Variants in MYOM2 observed in about 807,000 individuals in gnomAD.
The protein encoded by MYOM2 is myomesin 2.
In MYOM2, 254 loss-of-function variants were observed where a neutral mutation model predicts 187.6. The observed-to-expected ratio is 1.35, with a 90% CI of 1.22 to 1.50. The LOEUF (loss-of-function observed/expected upper bound fraction) is 1.50, where lower values mean the gene tolerates loss of function less well. Among genes scored for constraint, MYOM2 ranks in the 40% most tolerant of loss-of-function variants. MYOM2 has a pLI of 0.00. For missense variants in MYOM2, 2,796 were observed against 1,924.0 expected, an observed-to-expected ratio of 1.45 and a Z score of -8.48; for synonymous variants, 981 against 753.8, an observed-to-expected ratio of 1.30 and a Z score of -4.94.
Position 2,073,516 on chromosome 8 carries a change from T to C in MYOM2, c.1120+16T>C. 1 of 1,587,564 alleles carries C rather than the reference T, an allele frequency of 6.3e-7. No individual in the cohort carries two copies. Among genetic ancestry groups the C allele is most frequent in the East Asian group, 2.2e-5 (1 of 44,600 alleles). ...TTTGTCAGAGGTGCGGGCAGCAGGG[T>C]TCTCAGGGTGCAGACCTTGTGTGTG... is the stretch of plus-strand genomic sequence containing the variant. On this transcript the variant is annotated intron_variant, in intron 10 of 36. Coordinates refer to ENST00000262113, the MANE Select transcript of MYOM2 (RefSeq NM_003970.4).
chr8:2,093,472 A>G (rs1312739356), intron 16 of MYOM2, among the ~76,000 whole-genome samples: 1 of 152,172 alleles, frequency 6.6e-6, no homozygotes, highest in Non-Finnish European at 1.5e-5. Context: ...TGGGGTGGGA[A>G]TTATCATCCC....
intron 10 of MYOM2, among the ~76,000 whole-genome samples, chr8:2,073,713 C>A (rs890014727): frequency 6.6e-6 from 1 of 152,208 alleles, no homozygotes; most frequent in Non-Finnish European, 1.5e-5. Context: ...GGACACAATC[C>A]GGAATAGACC....
Position 2,059,302 on chromosome 8 carries a change from C to T in MYOM2, c.653+57C>T, listed in dbSNP as rs565274869. On this transcript the variant is annotated intron_variant, in intron 6 of 36. Transcript: ENST00000262113. The stretch of plus-strand genomic sequence containing the variant: ...CGTCCAGTAATCAGCATTGCAGACC[C>T]CAAAGAAGAAGTCAGATGGGTAACT... 129 of 1,518,372 alleles carry T rather than the reference C, an allele frequency of 8.5e-5. 1 individual carries two copies. The East Asian group carries it at 2.9e-3, about 34-fold the overall frequency. 94.1% of individuals were successfully genotyped at this position (1,518,372 alleles called of 1,614,324 possible).
In MYOM2 at chr8:2,129,135, G is replaced by A; in HGVS notation, c.3703G>A (p.Ala1235Thr). 1.2e-6 allele frequency: 2 copies of A among 1,602,256 alleles called. No individual in the cohort carries two copies. The highest frequency in any genetic ancestry group is 1.7e-6 in the Non-Finnish European group (2 of 1,170,188). ...TGTTTTATTTTCTGCAGGGAAATCT[G>A]CTTCGCCACTGAAGGTACTCTGCAC... is the stretch of plus-strand genomic sequence containing the variant. ...LAMSRVCGKS[A>T]SPLKVLCTPE... The change falls in exon 32 of 37, where the codon GCT becomes ACT. Residue 1235 changes from alanine (A) to threonine (T), a missense_variant. Transcript: ENST00000262113.
intron 1 of MYOM2, among the ~76,000 whole-genome samples, chr8:2,049,741 G>C (rs1008822499): frequency 1.3e-5 from 2 of 152,188 alleles, no homozygotes; most frequent in South Asian, 2.1e-4. Context: ...TTAGGAATAC[G>C]GTCCCTACGT....
chr8:2,106,863 A>T (rs192013367), intron 23 of MYOM2, among the ~76,000 whole-genome samples: 2 of 152,330 alleles, frequency 1.3e-5, no homozygotes, highest in Admixed American at 6.5e-5. Context: ...TCTTAGCCAC[A>T]TTTTAATAGT....
intron 6 of MYOM2, among the ~76,000 whole-genome samples, chr8:2,062,517 C>G (rs1818884371): frequency 6.6e-6 from 1 of 152,174 alleles, no homozygotes; most frequent in Non-Finnish European, 1.5e-5. Flanking sequence ...ATTCTCAGAG[C>G]TGTGGCCATC....
Position 2,079,607 on chromosome 8 carries a change from C to A in MYOM2, c.1510C>A (p.Leu504Ile). 6.2e-7 allele frequency: 1 copy of A among 1,614,090 alleles called. No homozygotes were observed. Among genetic ancestry groups the A allele is most frequent in the Non-Finnish European group, 8.5e-7 (1 of 1,179,990 alleles). The change falls in exon 13 of 37, where the codon CTT becomes ATT. Residue 504 changes from leucine to isoleucine, a missense_variant. Transcript: ENST00000262113. ...GGAGATTGCCATTTATCAGGATGAC[C>A]TTGAAGGTAAGTAGCACCTCATCAC... ...EKEIAIYQDD[L>I]EGDAQVPGPP...
intron 36 of MYOM2, 110 bp from the exon 37 acceptor site, chr8:2,144,554 G>A: frequency 1.8e-6 from 2 of 1,120,286 alleles, no homozygotes; most frequent in South Asian, 1.3e-5. Context: ...ACAAACGATT[G>A]AAGGACCAAT....
Position 2,064,461 on chromosome 8 carries a change from C to G in MYOM2, c.654-4817C>G, listed in dbSNP as rs371686979. 3.4e-4 allele frequency among the ~76,000 whole-genome samples: 52 copies of G among 152,282 alleles called. 1 individual carries two copies. In the East Asian group the frequency reaches 7.7e-3, roughly 23 times the overall value. ...GGGGCCACCGCCGTCGTCAGTGGGT[C>G]GGGATCTTTGCTCCGGTGACGGGTT... On this transcript the variant is annotated intron_variant, in intron 6 of 36. Coordinates refer to ENST00000262113, the MANE Select transcript of MYOM2 (RefSeq NM_003970.4).
chr8:2,093,965 C>A lies in MYOM2; in HGVS notation c.2004-5C>A, dbSNP rs373807415. 6.2e-7 allele frequency: 1 copy of A among 1,613,754 alleles called. No homozygotes were observed. The highest frequency in any genetic ancestry group is 1.1e-5 in the South Asian group (1 of 91,022). On this transcript the variant is annotated splice_region_variant and splice_polypyrimidine_tract_variant and intron_variant, in intron 16 of 36. Transcript: ENST00000262113. The stretch of plus-strand genomic sequence containing the variant: ...AGTTCTGACCCTGATCCCTGTGTTT[C>A]TCAGGTTCGTGGTGCACGGCTTAAC...
Position 2,102,663 on chromosome 8 carries a change from C to T in MYOM2, c.2620-4C>T. On this transcript the variant is annotated splice_region_variant and splice_polypyrimidine_tract_variant and intron_variant, in intron 20 of 36. Coordinates refer to ENST00000262113, the MANE Select transcript of MYOM2 (RefSeq NM_003970.4). ...ACATCTGGTGTTTCCTCTGTTGTTT[C>T]AAGGTCTCTGACCTGCAGCAAGGTA... The T allele has an allele frequency of 1.3e-6, 2 of 1,599,572 alleles. No homozygotes were observed. Among genetic ancestry groups the T allele is most frequent in the Non-Finnish European group, 8.6e-7 (1 of 1,168,086 alleles).
At chr8:2,125,292 C>T (rs1797597780) in intron 31 of MYOM2, among the ~76,000 whole-genome samples, 1 of 152,214 alleles carries the variant, frequency 6.6e-6, no homozygotes, top group Non-Finnish European at 1.5e-5. Flanking sequence ...GCGCCAATTT[C>T]ACTCTTCTGC....
chr8:2,085,569 CCCACTGTTGTGATCTCTGCGTGG>C lies in MYOM2; in HGVS notation c.1644+182_1644+204del, dbSNP rs1462531923. ...CCCACTGTCATGATCTCTGCGTGGC[CCCACTGTTGTGATCTCTGCGTGG>C]CCCCACTGTCGTGATCTCTGCGTGG... On this transcript the variant is annotated intron_variant, in intron 14 of 36. Coordinates refer to ENST00000262113, the MANE Select transcript of MYOM2 (RefSeq NM_003970.4). Among the ~76,000 whole-genome samples, 13 of 25,822 alleles carry C rather than the reference CCCACTGTTGTGATCTCTGCGTGG, an allele frequency of 5.0e-4. 3 individuals are homozygous for C. The highest frequency in any genetic ancestry group is 3.0e-3 in the South Asian group (2 of 662). 16.9% of individuals were successfully genotyped at this position (25,822 alleles called of 152,430 possible). A position where few individuals can be genotyped will look rare whatever the true frequency, so the allele number is the denominator to read the frequency against.
intron 21 of MYOM2, among the ~76,000 whole-genome samples, chr8:2,104,772 C>T (rs1049343153): frequency 7.2e-5 from 11 of 152,004 alleles, no homozygotes; most frequent in East Asian, 1.9e-4. Context: ...TGTGCGGAAA[C>T]GGACCCAGCA....
intron 10 of MYOM2, among the ~76,000 whole-genome samples, chr8:2,074,409 T>A (rs1348206858): frequency 1.3e-5 from 2 of 152,116 alleles, no homozygotes; most frequent in African/African-American, 4.8e-5. Flanking sequence ...GTTTTTGGCA[T>A]CATGTGACTG....
chr8:2,131,037 C>A (rs545551845), intron 32 of MYOM2, among the ~76,000 whole-genome samples: 1 of 151,594 alleles, frequency 6.6e-6, no homozygotes, highest in African/African-American at 2.4e-5. Flanking sequence ...GGAAAGGCCA[C>A]CCCCCTCTTC....
intron 32 of MYOM2, among the ~76,000 whole-genome samples, chr8:2,136,893 A>T (rs75909640): frequency 2.0e-5 from 3 of 152,196 alleles, no homozygotes; most frequent in African/African-American, 7.2e-5. Context: ...CTGCCACTTC[A>T]TGAAGCATTT....
intron 32 of MYOM2, among the ~76,000 whole-genome samples, chr8:2,136,289 G>C (rs761836386): frequency 4.6e-5 from 7 of 152,194 alleles, no homozygotes; most frequent in Non-Finnish European, 8.8e-5. Flanking sequence ...CCTGGCTCAG[G>C]GCATCTTGCA....
Sources: allele counts gnomAD v4.1 joint callset (sites outside exome capture counted in the v4.1 genomes callset), GRCh38; gene constraint gnomAD v4.1.1; transcripts MANE v1.5; gene names NCBI Gene and HGNC (gene_info 2026-07-23, HGNC 2026-07-21).